The following GPM6B variants were observed in gnomAD, a reference collection of about 807,000 sequenced individuals.
GPM6B encodes the protein glycoprotein M6B.
Under a neutral mutation model 27.2 loss-of-function variants are expected in GPM6B, and 4 were observed. The observed-to-expected ratio is 0.15, with a 90% CI of 0.07 to 0.34. GPM6B has a LOEUF of 0.34. GPM6B is among the 10% of genes least tolerant of loss of function. The probability of loss-of-function intolerance (pLI) is 1.00; values close to 1 mark genes in which losing one functional copy is unlikely to be tolerated. For missense variants in GPM6B, 183 were observed against 261.9 expected, an observed-to-expected ratio of 0.70 and a Z score of 2.08; for synonymous variants, 124 against 103.1, an observed-to-expected ratio of 1.20 and a Z score of -1.23.
At chrX:13,908,838 A>G (rs2050351771) in intron 1 of GPM6B, among the ~76,000 whole-genome samples, 1 of 112,546 alleles carries the variant, frequency 8.9e-6, no homozygotes, top group Admixed American at 9.5e-5. Context: ...CCTCAGAAAT[A>G]CTTAACACAA....
intron 5 of GPM6B, among the ~76,000 whole-genome samples, chrX:13,779,431 T>C (rs779923379): frequency 8.9e-6 from 1 of 112,425 alleles, no homozygotes; most frequent in East Asian, 2.8e-4. Context: ...AATTGAATTA[T>C]ACAATGTGTG....
At chrX:13,907,248 CTT>C (rs749402437) in intron 1 of GPM6B, among the ~76,000 whole-genome samples, 3 of 112,416 alleles carry the variant, frequency 2.7e-5, no homozygotes, top group Admixed American at 1.9e-4. Flanking sequence ...TTCATTTACT[CTT>C]TATGACAACC....
At chrX:13,874,369 G>A (rs2050010508) in intron 1 of GPM6B, among the ~76,000 whole-genome samples, 1 of 110,825 alleles carries the variant, frequency 9.0e-6, no homozygotes, top group Non-Finnish European at 1.9e-5. Flanking sequence ...TCTGGAAGGT[G>A]CTAGGGATAC....
At chrX:13,833,632 G>A (rs748794648) in intron 1 of GPM6B, among the ~76,000 whole-genome samples, 1 of 110,134 alleles carries the variant, frequency 9.1e-6, no homozygotes, top group South Asian at 4.0e-4. Context: ...GAGGCTGAGG[G>A]GTGAGGATCT....
chrX:13,917,718 T>C (rs1433326120), intron 1 of GPM6B, among the ~76,000 whole-genome samples: 1 of 112,578 alleles, frequency 8.9e-6, no homozygotes, highest in Non-Finnish European at 1.9e-5. Flanking sequence ...AAGAAGGAAG[T>C]ACCAAGTAAT....
At chrX:13,932,543 G>C (rs1283566265) in intron 1 of GPM6B, among the ~76,000 whole-genome samples, 1 of 111,962 alleles carries the variant, frequency 8.9e-6, no homozygotes, top group Non-Finnish European at 1.9e-5. Context: ...CATCTGAACA[G>C]GACTCTGTGA....
chrX:13,837,111 C>T (rs2049504899), intron 1 of GPM6B, among the ~76,000 whole-genome samples: 1 of 112,019 alleles, frequency 8.9e-6, no homozygotes, highest in African/African-American at 3.2e-5. Context: ...GCAAGAGAGC[C>T]AACTGAATAA....
At chrX:13,817,998 G>A (rs1039753106), upstream of GPM6B, among the ~76,000 whole-genome samples, 1 of 112,036 alleles carries the variant, frequency 8.9e-6, no homozygotes, top group Non-Finnish European at 1.9e-5. Context: ...AATCGAAGGG[G>A]TGTTTTCAAG....
chrX:13,895,013 A>T (rs1304752241), intron 1 of GPM6B, among the ~76,000 whole-genome samples: 1 of 112,032 alleles, frequency 8.9e-6, no homozygotes, highest in Non-Finnish European at 1.9e-5. Context: ...TTTGGTGAGT[A>T]AAAAAGCTCT....
intron 1 of GPM6B, among the ~76,000 whole-genome samples, chrX:13,913,221 T>G (rs2050394579): frequency 9.0e-6 from 1 of 111,149 alleles, no homozygotes; most frequent in Non-Finnish European, 1.9e-5. Flanking sequence ...ACAACCTTGG[T>G]TCACTGCAGC....
At chrX:13,930,813 C>T (rs975315239) in intron 1 of GPM6B, among the ~76,000 whole-genome samples, 28 of 112,302 alleles carry the variant, frequency 2.5e-4, no homozygotes, top group Non-Finnish European at 2.1e-4. Flanking sequence ...AAGAAATACA[C>T]TTCATAACTT....
intron 1 of GPM6B, among the ~76,000 whole-genome samples, chrX:13,884,086 G>A (rs1414485780): frequency 9.0e-6 from 1 of 111,407 alleles, no homozygotes; most frequent in Non-Finnish European, 1.9e-5. Context: ...ACTGAGACAG[G>A]AGAATGGCTT....
At chrX:13,780,569 C>G (rs1358720290) in intron 4 of GPM6B, among the ~76,000 whole-genome samples, 1 of 112,120 alleles carries the variant, frequency 8.9e-6, no homozygotes, top group Admixed American at 9.4e-5. Context: ...ATCACGAATA[C>G]AAGCTTAATG....
chrX:13,778,612 T>C (rs745721830), intron 5 of GPM6B, among the ~76,000 whole-genome samples: 1 of 112,224 alleles, frequency 8.9e-6, no homozygotes, highest in African/African-American at 3.2e-5. Flanking sequence ...ATCTTTATAC[T>C]TCAGAAGCAT....
At chrX:13,838,154 T>C (rs1472868145) in intron 1 of GPM6B, among the ~76,000 whole-genome samples, 1 of 109,114 alleles carries the variant, frequency 9.2e-6, no homozygotes, top group Non-Finnish European at 1.9e-5. Context: ...AAAGGCAATA[T>C]GGATGCTTTA....
In GPM6B at chrX:13,876,104, T is replaced by C. The variant is rs150024823; in HGVS notation, c.-198+62223A>G. 1.4e-3 allele frequency among the ~76,000 whole-genome samples: 158 copies of C among 112,326 alleles called. 1 individual carries two copies. The highest frequency in any genetic ancestry group is 4.6e-3 in the African/African-American group (143 of 30,942). ...AAAAAGACATGCTGAGTTACAACGA[T>C]GTGTTATGTGGAAAGAAGAGAACCA... On this transcript the variant is annotated intron_variant, in intron 1 of 6. Coordinates refer to the GPM6B transcript ENST00000398361.
intron 1 of GPM6B, among the ~76,000 whole-genome samples, chrX:13,925,837 G>A (rs1198196450): frequency 2.7e-5 from 3 of 110,103 alleles, no homozygotes; most frequent in Non-Finnish European, 5.7e-5. Flanking sequence ...GGTGGATCAC[G>A]AGGTCAGGAG....
rs374113768 is a variant in GPM6B at position 13,897,074 on chromosome X, A to T, written c.-198+41253T>A. Among the ~76,000 whole-genome samples, 7 of 112,585 alleles carry T rather than the reference A, an allele frequency of 6.2e-5. No individual in the cohort carries two copies. In the East Asian group the frequency reaches 1.1e-3, roughly 18 times the overall value. ...CAGACATGTTTTCATTTGTAGAAAA[A>T]GTCTGTGTTTGCTTGTGTTAAGTAT... On this transcript the variant is annotated intron_variant, in intron 1 of 6. Coordinates refer to the GPM6B transcript ENST00000398361.
intron 2 of GPM6B, among the ~76,000 whole-genome samples, chrX:13,792,890 C>G: frequency 1.4e-5 from 1 of 71,743 alleles, no homozygotes; most frequent in Non-Finnish European, 2.5e-5. Flanking sequence ...CAGAGCGAGA[C>G]TCCGTTTAAA....
Sources: gnomAD v4.1 joint callset for allele counts (sites outside exome capture counted in the v4.1 genomes callset) on GRCh38, gnomAD v4.1.1 for gene constraint, MANE v1.5 for transcripts, NCBI Gene and HGNC (gene_info 2026-07-23, HGNC 2026-07-21) for gene names.